FSTL5: variants seen among roughly 807,000 people sequenced by gnomAD.
FSTL5 encodes the protein follistatin like 5.
A neutral mutation model predicts 89.1 loss-of-function variants in FSTL5; 62 were observed. The observed-to-expected ratio is 0.70, with a 90% CI of 0.57 to 0.86. FSTL5 has a LOEUF of 0.86. FSTL5 is among the 40% of genes least tolerant of loss of function. The pLI is 0.00. For synonymous variants in FSTL5, 383 were observed against 346.2 expected, an observed-to-expected ratio of 1.11 and a Z score of -1.18; for missense variants, 1,057 against 1,001.6, an observed-to-expected ratio of 1.06 and a Z score of -0.75.
rs779884905 is a variant in FSTL5 at position 161,798,841 on chromosome 4, G to GA, written c.410-22768dup. 2.0e-4 allele frequency among the ~76,000 whole-genome samples: 30 copies of GA among 151,546 alleles called. No homozygotes were observed. In the East Asian group the frequency reaches 2.5e-3, roughly 13 times the overall value. The stretch of plus-strand genomic sequence containing the variant: ...TGTTTTAATAATCTGTTTTAATAAA[G>GA]AAAAAAACCCTAAAACATTAGAATT... On this transcript the variant is annotated intron_variant, in intron 4 of 15. Transcript: ENST00000306100.
chr4:161,718,151 A>T (rs1001045107), intron 6 of FSTL5, among the ~76,000 whole-genome samples: 4 of 152,178 alleles, frequency 2.6e-5, no homozygotes, highest in African/African-American at 9.7e-5. Flanking sequence ...TTTTCTTTAC[A>T]TATAGTTGAT....
chr4:161,657,451 G>A (rs1238888959), intron 6 of FSTL5, among the ~76,000 whole-genome samples: 1 of 152,180 alleles, frequency 6.6e-6, no homozygotes, highest in East Asian at 1.9e-4. Flanking sequence ...AAATGTCGAT[G>A]TAGAGGAGTG....
At chr4:162,158,544 A>G (rs1733572605) in intron 1 of FSTL5, among the ~76,000 whole-genome samples, 2 of 152,032 alleles carry the variant, frequency 1.3e-5, no homozygotes, top group Admixed American at 1.3e-4. Flanking sequence ...AGTTTTGAAA[A>G]TGATATAGCT....
intron 6 of FSTL5, among the ~76,000 whole-genome samples, chr4:161,690,006 C>T (rs1015289484): frequency 6.6e-6 from 1 of 152,056 alleles, no homozygotes; most frequent in Non-Finnish European, 1.5e-5. Context: ...GGATAATGTT[C>T]CACTCTGCGT....
intron 15 of FSTL5, among the ~76,000 whole-genome samples, chr4:161,454,126 A>G (rs1251595355): frequency 6.6e-6 from 1 of 152,152 alleles, no homozygotes; most frequent in Admixed American, 6.6e-5. Context: ...CAATTTTTAG[A>G]TGATATAATT....
intron 2 of FSTL5, among the ~76,000 whole-genome samples, chr4:162,061,476 T>C (rs536321599): frequency 6.6e-6 from 1 of 152,240 alleles, no homozygotes; most frequent in East Asian, 1.9e-4. Context: ...GCGACAGTAC[T>C]TTCAGTATCT....
chr4:161,432,669 T>C (rs1011943421), intron 15 of FSTL5, among the ~76,000 whole-genome samples: 3 of 150,868 alleles, frequency 2.0e-5, no homozygotes, highest in Admixed American at 1.3e-4. Flanking sequence ...TAAATAAAAG[T>C]AACAAATCTT....
chr4:161,546,282 T>C (rs1578914645), intron 8 of FSTL5, among the ~76,000 whole-genome samples: 1 of 134,260 alleles, frequency 7.4e-6, no homozygotes, highest in Admixed American at 7.7e-5. Context: ...ATGCATATTA[T>C]ATATACATAT....
chr4:162,063,254 T>G (rs1738779832), intron 2 of FSTL5, among the ~76,000 whole-genome samples: 1 of 151,858 alleles, frequency 6.6e-6, no homozygotes, highest in Admixed American at 6.6e-5. Context: ...GAAGTACTTC[T>G]TTTCCATCTG....
intron 3 of FSTL5, among the ~76,000 whole-genome samples, chr4:162,021,743 A>G (rs1273543423): frequency 6.6e-6 from 1 of 152,124 alleles, no homozygotes; most frequent in African/African-American, 2.4e-5. Flanking sequence ...ATGGACATAG[A>G]GTGTGAAATA....
intron 2 of FSTL5, among the ~76,000 whole-genome samples, chr4:162,108,732 G>T (rs1731324175): frequency 6.6e-6 from 1 of 151,178 alleles, no homozygotes; most frequent in Non-Finnish European, 1.5e-5. Context: ...GTTGACTTTA[G>T]TTTGATAAAT....
chr4:162,149,035 G>A (rs72693267), intron 1 of FSTL5, among the ~76,000 whole-genome samples: 5,291 of 152,270 alleles, frequency 0.035, 123 homozygotes, highest in East Asian at 0.052. Context: ...TCTTTTGTAT[G>A]TGTGTGTCAT....
intron 8 of FSTL5, among the ~76,000 whole-genome samples, chr4:161,564,719 T>A (rs890741606): frequency 2.1e-4 from 32 of 151,680 alleles, no homozygotes; most frequent in African/African-American, 7.2e-4. Context: ...AAGACATAAT[T>A]ATTATTATTA....
intron 10 of FSTL5, among the ~76,000 whole-genome samples, chr4:161,517,906 C>A (rs1373030344): frequency 6.6e-6 from 1 of 152,100 alleles, no homozygotes; most frequent in African/African-American, 2.4e-5. Flanking sequence ...TAAAAAAGGG[C>A]AACCTTAAAA....
chr4:161,930,239 C>T (rs2110891908), intron 3 of FSTL5, among the ~76,000 whole-genome samples: 1 of 151,942 alleles, frequency 6.6e-6, no homozygotes, highest in South Asian at 2.1e-4. Flanking sequence ...TGTGGGCAGC[C>T]AGCTCTTATA....
At chr4:161,902,722 G>A (rs1219362913) in intron 4 of FSTL5, among the ~76,000 whole-genome samples, 1 of 151,956 alleles carries the variant, frequency 6.6e-6, no homozygotes, top group Non-Finnish European at 1.5e-5. Flanking sequence ...GATGGTGGGC[G>A]CCTGTAATCC....
intron 8 of FSTL5, among the ~76,000 whole-genome samples, chr4:161,566,135 T>TATATATATATATACAC (rs1267325201): frequency 3.6e-5 from 2 of 55,160 alleles, no homozygotes; most frequent in East Asian, 1.2e-3. Context: ...TATATATATA[T>TATATATATATATACAC]ACACACACAC....
intron 8 of FSTL5, among the ~76,000 whole-genome samples, chr4:161,577,413 GAAACATTGGAA>G (rs1014642107): frequency 1.1e-4 from 13 of 119,908 alleles, no homozygotes; most frequent in African/African-American, 4.1e-4. Context: ...TGAGTGTCAT[GAAACATTGGAA>G]AACCAGCAGC....
At chr4:161,775,469 A>T (rs553186008) in intron 5 of FSTL5, among the ~76,000 whole-genome samples, 1 of 152,254 alleles carries the variant, frequency 6.6e-6, no homozygotes, top group South Asian at 2.1e-4. Flanking sequence ...ATTTATATAC[A>T]CTTTGTTATA....
Sources: allele counts gnomAD v4.1 joint callset (sites outside exome capture counted in the v4.1 genomes callset), GRCh38; gene constraint gnomAD v4.1.1; transcripts MANE v1.5; gene names NCBI Gene and HGNC (gene_info 2026-07-23, HGNC 2026-07-21).